RGS12: variants seen among roughly 807,000 people sequenced by gnomAD.
RGS12 encodes the protein regulator of G-protein signaling 12.
A neutral mutation model predicts 120.1 loss-of-function variants in RGS12; 66 were observed. That is an observed-to-expected ratio of 0.55 (90% CI 0.45 to 0.67). The LOEUF (loss-of-function observed/expected upper bound fraction) is 0.67. Among genes scored for constraint, RGS12 ranks in the 30% least tolerant of loss-of-function variants. The probability of loss-of-function intolerance (pLI) is 0.00; values close to 1 mark genes in which losing one functional copy is unlikely to be tolerated. For missense variants in RGS12, 1,859 were observed against 1,957.7 expected, an observed-to-expected ratio of 0.95 and a Z score of 0.95; for synonymous variants, 827 against 804.7, an observed-to-expected ratio of 1.03 and a Z score of -0.47.
chr4:3,287,719 T>C, the RGS12 span, among the ~76,000 whole-genome samples: 2 of 152,272 alleles, frequency 1.3e-5, no homozygotes, highest in Admixed American at 6.5e-5. Flanking sequence ...TTAAAAACAT[T>C]ATGCTTCATT....
At chr4:3,382,917 G>A (rs1718417546) in intron 3 of RGS12, among the ~76,000 whole-genome samples, 2 of 152,100 alleles carry the variant, frequency 1.3e-5, no homozygotes, top group Non-Finnish European at 2.9e-5. Flanking sequence ...GCATTAGATT[G>A]TTCCCATGTC....
chr4:3,393,153 G>C (rs1719677008), intron 4 of RGS12, among the ~76,000 whole-genome samples: 3 of 152,150 alleles, frequency 2.0e-5, no homozygotes, highest in Admixed American at 1.3e-4. Flanking sequence ...GTTCTTGACT[G>C]AGTGCTGAAT....
Position 3,439,816 on chromosome 4 carries a change from C to T in RGS12, c.*132C>T, listed in dbSNP as rs1725171737. The T allele has an allele frequency of 7.0e-6, 6 of 852,284 alleles. No homozygotes were observed. The allele number at this position is 852,284 out of a possible 1,614,324, so 52.8% of individuals were successfully genotyped here. A position where few individuals can be genotyped will look rare whatever the true frequency, so the allele number is the denominator to read the frequency against. On this transcript the variant is annotated 3_prime_UTR_variant, in exon 18 of 18. Transcript: ENST00000336727. ...CCCAGCCAGGAGGGCAGGGGGTGAC[C>T]TCGCTGGAGGCACTGGCCCCGGACA...
intron 1 of RGS12, among the ~76,000 whole-genome samples, chr4:3,297,166 C>G (rs982833974): frequency 8.5e-5 from 13 of 152,154 alleles, no homozygotes; most frequent in Non-Finnish European, 1.8e-4. Context: ...ACTTGCTGTC[C>G]CCAACTCTGT....
At chr4:3,291,148 G>C (rs1403747062), upstream of RGS12, among the ~76,000 whole-genome samples, 3 of 152,236 alleles carry the variant, frequency 2.0e-5, no homozygotes, top group East Asian at 5.8e-4. Flanking sequence ...AGGGAAAGAA[G>C]AGACCTGCAG....
At chr4:3,373,714 C>G (rs1560124663) in intron 3 of RGS12, among the ~76,000 whole-genome samples, 1 of 152,314 alleles carries the variant, frequency 6.6e-6, no homozygotes, top group East Asian at 1.9e-4. Context: ...GTCAGCTTAC[C>G]TTTCGCCCCA....
At chr4:3,431,738 G>A (rs1449603624) in intron 17 of RGS12, 4 of 985,546 alleles carry the variant, frequency 4.1e-6, no homozygotes, top group Non-Finnish European at 4.8e-6. Context: ...CGCTCAGGGT[G>A]CGCGTCATGG....
rs1578710039 is a variant in RGS12 at position 3,316,320 on chromosome 4, G to T, written c.150G>T (p.Gly50=). The change falls in exon 2 of 18, where the codon GGG becomes GGT. Residue 50 remains glycine, a synonymous_variant. Coordinates refer to ENST00000336727, the MANE Select transcript of RGS12 (RefSeq NM_001394154.1). ...GTGTGCTCAGCTGCGTCATGAGAGG[G>T]AGCCCTGCGGATTTCGTGGGCCTCC... is the stretch of plus-strand genomic sequence containing the variant. ...APCVLSCVMR[G]SPADFVGLRA... 6.2e-7 allele frequency: 1 copy of T among 1,614,182 alleles called. No homozygotes were observed. The highest frequency in any genetic ancestry group is 1.7e-5 in the Admixed American group (1 of 60,030).
chr4:3,307,532 C>T (rs916983893), intron 1 of RGS12, among the ~76,000 whole-genome samples: 1 of 152,256 alleles, frequency 6.6e-6, no homozygotes, highest in African/African-American at 2.4e-5. Flanking sequence ...AGAAAACATG[C>T]ACAGAAATAA....
chr4:3,413,822 A>C (rs989310717), intron 4 of RGS12: 1 of 484,210 alleles, frequency 2.1e-6, no homozygotes, highest in African/African-American at 1.9e-5. Flanking sequence ...ACATGTGAAC[A>C]TGTGTGTGTG....
Position 3,316,577 on chromosome 4 carries a change from G to C in RGS12, c.407G>C (p.Arg136Pro). The C allele has an allele frequency of 6.2e-7, 1 of 1,614,172 alleles. No individual in the cohort carries two copies. Among genetic ancestry groups the C allele is most frequent in the Non-Finnish European group, 8.5e-7 (1 of 1,180,034 alleles). Residue 136 changes from arginine to proline, a missense_variant, in exon 2 of 18, where the codon CGA (arginine) becomes CCA (proline). Around this residue, in one of 3 missense-constraint regions of RGS12, gnomAD observed 967 missense variants for 994.2 expected, o/e 0.97. Transcript: ENST00000336727. The stretch of plus-strand genomic sequence containing the variant: ...GCACTAGGTATAAACAGAGCAGAGC[G>C]AGTCGTGGAGGAAATGCAGTCTGGT... ...SKALGINRAE[R>P]VVEEMQSGGI...
chr4:3,399,413 G>T (rs568125774), intron 4 of RGS12, among the ~76,000 whole-genome samples: 1 of 152,236 alleles, frequency 6.6e-6, no homozygotes, highest in East Asian at 1.9e-4. Context: ...AGGATCACTT[G>T]GGCCCAGGAA....
At chr4:3,331,133 C>T (rs1036955825) in intron 2 of RGS12, among the ~76,000 whole-genome samples, 2 of 152,164 alleles carry the variant, frequency 1.3e-5, no homozygotes, top group Admixed American at 6.5e-5. Context: ...AAGGGCATAT[C>T]GAGTGGAAAA....
intron 3 of RGS12, among the ~76,000 whole-genome samples, chr4:3,354,198 T>G (rs2108812574): frequency 6.6e-6 from 1 of 152,262 alleles, no homozygotes; most frequent in South Asian, 2.1e-4. Flanking sequence ...CAGGAACACC[T>G]TGTTTTCCTC....
chr4:3,291,625 G>A (rs1367913928), upstream of RGS12, among the ~76,000 whole-genome samples: 2 of 152,196 alleles, frequency 1.3e-5, no homozygotes, highest in Non-Finnish European at 2.9e-5. Context: ...GGGATTACTG[G>A]CACGAGTCAC....
At chr4:3,326,795 G>A (rs965093056) in intron 2 of RGS12, among the ~76,000 whole-genome samples, 10 of 152,158 alleles carry the variant, frequency 6.6e-5, no homozygotes, top group African/African-American at 2.4e-4. Context: ...ACAAAATACT[G>A]ATGAGAGAAA....
intron 14 of RGS12, 46 bp from the exon 15 acceptor site, chr4:3,428,044 G>C (rs751221720): frequency 5.8e-6 from 9 of 1,557,668 alleles, no homozygotes; most frequent in Non-Finnish European, 8.0e-6. Flanking sequence ...GAAACATTCA[G>C]ATGGATTTGC....
chr4:3,414,716 GT>G (rs752402518), intron 5 of RGS12, 35 bp from the exon 6 acceptor site: 2 of 1,432,054 alleles, frequency 1.4e-6, no homozygotes, highest in South Asian at 2.3e-5. Context: ...AGGACCCTGT[GT>G]CAGTGTTAAT....
intron 17 of RGS12, chr4:3,432,008 G>C: frequency 2.0e-6 from 2 of 985,426 alleles, no homozygotes; most frequent in Non-Finnish European, 2.4e-6. Flanking sequence ...GCCAGGACAC[G>C]CCTGGATGAG....
Sources: gnomAD v4.1 joint callset for allele counts (sites outside exome capture counted in the v4.1 genomes callset) on GRCh38, gnomAD v4.1.1 for gene constraint, gnomAD v4.1.1 regional missense constraint, MANE v1.5 for transcripts, NCBI Gene and HGNC (gene_info 2026-07-23, HGNC 2026-07-21) for gene names.